CAPN5: variants seen among roughly 807,000 people sequenced by gnomAD.
CAPN5 encodes the protein calpain-5.
In CAPN5, 54 loss-of-function variants were observed where a neutral mutation model predicts 73.0. That is an observed-to-expected ratio of 0.74 (90% CI 0.59 to 0.93). CAPN5 has a LOEUF of 0.93. Ranked by LOEUF, CAPN5 falls within the 40% of genes least tolerant of loss-of-function variation. CAPN5 has a pLI of 0.00. For missense variants in CAPN5, 785 were observed against 882.9 expected (o/e 0.89, Z 1.41); for synonymous variants, 335 against 356.9 (o/e 0.94, Z 0.69).
At chr11:77,109,465 G>A (rs1950388803) in intron 3 of CAPN5, among the ~76,000 whole-genome samples, 1 of 152,172 alleles carries the variant, frequency 6.6e-6, no homozygotes, top group Non-Finnish European at 1.5e-5. Context: ...TCATGAATTG[G>A]AACATATTTG....
intron 2 of CAPN5, chr11:77,087,953 T>A (rs1555035820): frequency 4.6e-6 from 7 of 1,535,974 alleles, no homozygotes; most frequent in Non-Finnish European, 6.1e-6. Context: ...ACAGTGGCCA[T>A]TCGCTGGCCC....
intron 12 of CAPN5, 68 bp from the exon 13 acceptor site, chr11:77,123,620 C>T: frequency 7.5e-7 from 1 of 1,327,180 alleles, no homozygotes; most frequent in East Asian, 2.3e-5. Flanking sequence ...CACCAGCACC[C>T]CCCATAGACC....
At chr11:77,084,740 G>A (rs782521627) in intron 1 of CAPN5, 112 bp from the exon 2 acceptor site, 62 of 909,820 alleles carry the variant, frequency 6.8e-5, no homozygotes, top group Admixed American at 2.2e-4. Flanking sequence ...TAGGCTCCAC[G>A]CCTCGCTGAG....
rs1555039464 is a variant in CAPN5 at position 77,104,012 on chromosome 11, C to T, written c.298-8577C>T. 1.3e-5 allele frequency among the ~76,000 whole-genome samples: 2 copies of T among 152,196 alleles called. 1 individual carries two copies. Among genetic ancestry groups the T allele is most frequent in the Admixed American group, 1.3e-4 (2 of 15,282 alleles). ...GAGGTTACACAGAGATCTGTCTCTA[C>T]GCACACATATCCATGAGACAGAGTG... is the stretch of plus-strand genomic sequence containing the variant. On this transcript the variant is annotated intron_variant, in intron 3 of 12. Coordinates refer to ENST00000648180, the MANE Select transcript of CAPN5 (RefSeq NM_004055.5).
At chr11:77,067,670 T>TGTGTGTGG (rs1565251294) in intron 1 of CAPN5, among the ~76,000 whole-genome samples, 1 of 141,678 alleles carries the variant, frequency 7.1e-6, no homozygotes, top group African/African-American at 2.7e-5. Context: ...TGTGTGTGTG[T>TGTGTGTGG]TGCGGGAGTG....
rs534842945 is a variant in CAPN5, at chr11:77,123,579, C to G, written c.1741-109C>G. 3 of 914,488 alleles carry G rather than the reference C, an allele frequency of 3.3e-6. No homozygotes were observed. The East Asian group carries it at 7.3e-5, about 22-fold the overall frequency. 56.6% of individuals were successfully genotyped at this position (914,488 alleles called of 1,614,324 possible). ...ACAGCCCAGGGCCCCCGATCCTCAG[C>G]CAGGCTTGCACTTCAAGGCCCTGCC... On this transcript the variant is annotated intron_variant, in intron 12 of 12. Transcript: ENST00000648180.
intron 3 of CAPN5, among the ~76,000 whole-genome samples, chr11:77,103,889 G>C (rs938286704): frequency 2.0e-5 from 3 of 152,208 alleles, no homozygotes; most frequent in African/African-American, 4.8e-5. Flanking sequence ...TGCTGCAGGG[G>C]TGGATTTGGG....
chr11:77,115,889 T>C (rs1950462767), intron 6 of CAPN5, among the ~76,000 whole-genome samples: 4 of 152,092 alleles, frequency 2.6e-5, no homozygotes, highest in Admixed American at 2.6e-4. Context: ...TGTGCTTGGC[T>C]TATGGCCCTG....
In CAPN5 at chr11:77,124,481, G is replaced by A. The variant is rs1160806818; in HGVS notation, c.*611G>A. 1 of 153,222 alleles carries A rather than the reference G, an allele frequency of 6.5e-6. No individual in the cohort carries two copies. Among genetic ancestry groups the A allele is most frequent in the Non-Finnish European group, 1.5e-5 (1 of 68,710 alleles). The allele number at this position is 153,222 out of a possible 1,614,324, so 9.5% of individuals were successfully genotyped here. A position where few individuals can be genotyped will look rare whatever the true frequency, so the allele number is the denominator to read the frequency against. ...ACACCTTTGAGGCCCCAGGTGAAGC[G>A]GGGCCCTACTCCGGCCTCTGCCTTG... On this transcript the variant is annotated 3_prime_UTR_variant, in exon 13 of 13. Transcript: ENST00000648180.
chr11:77,097,474 T>TA (rs1555037654), intron 3 of CAPN5, among the ~76,000 whole-genome samples: 5 of 142,152 alleles, frequency 3.5e-5, no homozygotes, highest in African/African-American at 1.1e-4. Flanking sequence ...GTTTTTTTTT[T>TA]TTTTTTTTTT....
At chr11:77,114,574 G>T in intron 5 of CAPN5, 140 bp downstream of exon 5, 1 of 792,640 alleles carries the variant, frequency 1.3e-6, no homozygotes, top group Non-Finnish European at 2.1e-6. Flanking sequence ...GGAGAAGTTG[G>T]AAGGTGCAAC....
intron 1 of CAPN5, among the ~76,000 whole-genome samples, chr11:77,079,619 A>G (rs1565257076): frequency 6.6e-6 from 1 of 152,196 alleles, no homozygotes; most frequent in East Asian, 1.9e-4. Flanking sequence ...TTTTTGGTGA[A>G]TATGTCCATG....
chr11:77,103,496 G>A (rs531992689), intron 3 of CAPN5, among the ~76,000 whole-genome samples: 79 of 152,230 alleles, frequency 5.2e-4, no homozygotes, highest in Admixed American at 3.9e-4. Flanking sequence ...GCTTCTCCCT[G>A]GGGCCAGCAC....
chr11:77,120,594 C>G (rs1261553691), intron 9 of CAPN5, 119 bp from the exon 10 acceptor site: 1 of 676,054 alleles, frequency 1.5e-6, no homozygotes, highest in African/African-American at 1.8e-5. Context: ...TTGCCTGTTC[C>G]GGACATTTCA....
intron 1 of CAPN5, among the ~76,000 whole-genome samples, chr11:77,069,577 G>A (rs1346778644): frequency 6.6e-6 from 1 of 152,110 alleles, no homozygotes; most frequent in Admixed American, 6.5e-5. Context: ...GCATGTAAAG[G>A]TTGAACAGAA....
At chr11:77,121,482 G>T (rs1391832290) in intron 10 of CAPN5, among the ~76,000 whole-genome samples, 3 of 152,266 alleles carry the variant, frequency 2.0e-5, no homozygotes, top group African/African-American at 7.2e-5. Context: ...ACGTGCCAGA[G>T]CCAGGAGGCA....
chr11:77,098,067 C>A, intron 3 of CAPN5, among the ~76,000 whole-genome samples: 1 of 91,334 alleles, frequency 1.1e-5, no homozygotes, highest in South Asian at 4.5e-4. Flanking sequence ...GCGCCCCTCA[C>A]CTCCCGGACG....
chr11:77,108,630 A>G (rs55987124), intron 3 of CAPN5, among the ~76,000 whole-genome samples: 7,043 of 152,158 alleles, frequency 0.046, 188 homozygotes, highest in African/African-American at 0.073. Context: ...GACACTTGCC[A>G]GCCTATGGCT....
chr11:77,088,191 G>T (rs1555035903), intron 2 of CAPN5: 2 of 1,093,844 alleles, frequency 1.8e-6, no homozygotes, highest in Non-Finnish European at 2.5e-6. Context: ...TGGGGGAGGG[G>T]GACTAATGAA....
Sources: allele counts gnomAD v4.1 joint callset (sites outside exome capture counted in the v4.1 genomes callset), GRCh38; gene constraint gnomAD v4.1.1; transcripts MANE v1.5; gene names NCBI Gene and HGNC (gene_info 2026-07-23, HGNC 2026-07-21).